TDRD3: variants seen among roughly 807,000 people sequenced by gnomAD.
TDRD3 encodes tudor domain-containing protein 3.
In TDRD3, 45 loss-of-function variants were observed where a neutral mutation model predicts 86.7. The ratio of observed to expected loss-of-function variants is 0.52; its 90% CI spans 0.41 to 0.67. The LOEUF (loss-of-function observed/expected upper bound fraction) is 0.67, where lower values mean the gene tolerates loss of function less well. TDRD3 is among the 30% of genes least tolerant of loss of function. The pLI is 0.00. For synonymous variants in TDRD3, 298 were observed against 301.7 expected (o/e 0.99, Z 0.13); for missense variants, 814 against 889.0 (o/e 0.92, Z 1.07).
intron 8 of TDRD3, among the ~76,000 whole-genome samples, chr13:60,508,128 C>T (rs951736042): frequency 8.5e-5 from 13 of 152,214 alleles, no homozygotes; most frequent in South Asian, 2.1e-4. Context: ...AGGATACAAA[C>T]GAATGGAAAA....
intron 10 of TDRD3, among the ~76,000 whole-genome samples, chr13:60,524,041 C>A (rs756532876): frequency 2.6e-5 from 4 of 151,382 alleles, no homozygotes; most frequent in Non-Finnish European, 5.9e-5. Context: ...AGAAAAATAT[C>A]TTAGTATATT....
Position 60,505,581 on chromosome 13 carries a change from T to C in TDRD3, c.859-4182T>C, listed in dbSNP as rs530562326. On this transcript the variant is annotated intron_variant, in intron 8 of 13. Transcript: ENST00000377881. ...GCAGCGGATCTCTCAGCACAGTGCTTCTTAACTAAAGGAGCATGTTCTAAC... is the reference window on the plus strand; with the variant it reads ...GCAGCGGATCTCTCAGCACAGTGCTCCTTAACTAAAGGAGCATGTTCTAAC... Among the ~76,000 whole-genome samples, 7 of 152,306 alleles carry C rather than the reference T, an allele frequency of 4.6e-5. No individual in the cohort carries two copies. The South Asian group carries it at 1.2e-3, about 27-fold the overall frequency.
At chr13:60,417,351 A>AT (rs113668776) in intron 1 of TDRD3, among the ~76,000 whole-genome samples, 11,379 of 122,938 alleles carry the variant, frequency 0.093, 740 homozygotes, top group East Asian at 0.22. Context: ...AACTAATTTC[A>AT]TTTTTTTTTT....
chr13:60,397,286 A>AG lies in TDRD3; in HGVS notation c.-79_-78insG, dbSNP rs1953942459. The AG allele has an allele frequency of 1.7e-6, 1 of 591,720 alleles. No homozygotes were observed. Among genetic ancestry groups the AG allele is most frequent in the South Asian group, 3.1e-5 (1 of 31,892 alleles). 36.7% of individuals were successfully genotyped at this position (591,720 alleles called of 1,614,324 possible). On this transcript the variant is annotated 5_prime_UTR_variant, in exon 1 of 14. An upstream open reading frame in the 5' UTR gains an earlier in-frame stop. Transcript: ENST00000377881. ...TCTTTTCTTTTCTTTTTTTTTTTTT[A>AG]AGGGGGGGGGTCTCAAGTAGGAGGC...
At chr13:60,521,107 G>A (rs960688568) in intron 10 of TDRD3, among the ~76,000 whole-genome samples, 1 of 152,170 alleles carries the variant, frequency 6.6e-6, no homozygotes. Flanking sequence ...TACTTTTTGT[G>A]TGTTGTGCAA....
intron 12 of TDRD3, among the ~76,000 whole-genome samples, chr13:60,538,841 T>G (rs1957751758): frequency 6.6e-6 from 1 of 152,152 alleles, no homozygotes; most frequent in Admixed American, 6.5e-5. Flanking sequence ...TGAATTGCTC[T>G]CCTAAACCTG....
intron 10 of TDRD3, among the ~76,000 whole-genome samples, chr13:60,511,064 TA>T (rs1957048889): frequency 6.6e-6 from 1 of 152,100 alleles, no homozygotes; most frequent in Admixed American, 6.6e-5. Context: ...TATAATCTTA[TA>T]TAACTTATTT....
In TDRD3 at chr13:60,399,485, T is replaced by G. The variant is rs186403310; in HGVS notation, c.41+2080T>G. On this transcript the variant is annotated intron_variant, in intron 1 of 13. Coordinates refer to ENST00000377881, the MANE Select transcript of TDRD3 (RefSeq NM_001146070.2). ...GTCTCGAACAGACTAGGCATGAGGA[T>G]CTCCTAGGCTTTCAGGTGGCTTCTA... Among the ~76,000 whole-genome samples, 10 of 152,282 alleles carry G rather than the reference T, an allele frequency of 6.6e-5. No individual in the cohort carries two copies. The East Asian group carries it at 1.9e-3, about 29-fold the overall frequency.
At chr13:60,446,525 C>T (rs1955403500) in intron 3 of TDRD3, among the ~76,000 whole-genome samples, 1 of 152,036 alleles carries the variant, frequency 6.6e-6, no homozygotes, top group Non-Finnish European at 1.5e-5. Context: ...CTGTGCCTGG[C>T]CTTCTCACAG....
chr13:60,570,610 TCAAA>T lies in TDRD3; in HGVS notation c.*9+2965_*9+2968del, dbSNP rs543112428. 4.5e-4 allele frequency among the ~76,000 whole-genome samples: 68 copies of T among 152,352 alleles called. No individual in the cohort carries two copies. The East Asian group carries it at 0.011, about 24-fold the overall frequency. On this transcript the variant is annotated intron_variant, in intron 13 of 13. Coordinates refer to ENST00000377881, the MANE Select transcript of TDRD3 (RefSeq NM_001146070.2). Reference sequence around the variant, plus strand: ...GGTATTTTATTTCTTTTTAATTGCTTCAAACAAAGTTTTAAATTGTGGCCAAAGA... The same window carrying T: ...GGTATTTTATTTCTTTTTAATTGCTTCAAAGTTTTAAATTGTGGCCAAAGA...
chr13:60,495,028 A>G (rs929268398), intron 8 of TDRD3, among the ~76,000 whole-genome samples: 1 of 152,200 alleles, frequency 6.6e-6, no homozygotes, highest in Non-Finnish European at 1.5e-5. Context: ...AGTGGAGTCA[A>G]ACATATTTCT....
intron 5 of TDRD3, among the ~76,000 whole-genome samples, 175 bp from the exon 6 acceptor site, chr13:60,483,600 A>G (rs1956363209): frequency 6.6e-6 from 1 of 152,130 alleles, no homozygotes; most frequent in Non-Finnish European, 1.5e-5. Flanking sequence ...TTGCCTAATT[A>G]TTGAAGTTAA....
At chr13:60,523,546 GT>G (rs1957336746) in intron 10 of TDRD3, among the ~76,000 whole-genome samples, 1 of 136,622 alleles carries the variant, frequency 7.3e-6, no homozygotes, top group African/African-American at 2.7e-5. Context: ...TGTTTTCACA[GT>G]TTTGTCTATT....
intron 1 of TDRD3, among the ~76,000 whole-genome samples, chr13:60,402,536 A>G (rs558413823): frequency 1.3e-5 from 2 of 152,316 alleles, no homozygotes; most frequent in East Asian, 3.9e-4. Context: ...ATCTAGAATT[A>G]TGATATACCT....
chr13:60,444,324 A>G lies in TDRD3; in HGVS notation c.127-359A>G, dbSNP rs548731625. Reference sequence around the variant, plus strand: ...TTCAGTTTTAAAAAACATACTATGTATATGTATTCAAAAGCTGTCATTTGA... The same window carrying G: ...TTCAGTTTTAAAAAACATACTATGTGTATGTATTCAAAAGCTGTCATTTGA... On this transcript the variant is annotated intron_variant, in intron 2 of 13. Coordinates refer to ENST00000377881, the MANE Select transcript of TDRD3 (RefSeq NM_001146070.2). Among the ~76,000 whole-genome samples the G allele has an allele frequency of 3.0e-4, 44 of 148,636 alleles. No homozygotes were observed. In the East Asian group the frequency reaches 6.5e-3, roughly 22 times the overall value.
Position 60,528,699 on chromosome 13 carries a change from A to C in TDRD3, c.1474A>C (p.Ser492Arg), listed in dbSNP as rs1957508313. 2.5e-6 allele frequency: 4 copies of C among 1,612,516 alleles called. No homozygotes were observed. In the African/African-American group the frequency reaches 5.3e-5, roughly 22 times the overall value. The change falls in exon 11 of 14, where the codon AGT (serine) becomes CGT (arginine). Residue 492 changes from serine to arginine, a missense_variant. Coordinates refer to ENST00000377881, the MANE Select transcript of TDRD3 (RefSeq NM_001146070.2). ...TTCATATCCTTTAGGTTCTCAGCAT[A>C]GTGATGGTGCTTTTAAAAAAAGAGA... Reference protein sequence around the residue: ...DTSYPLGSQHSDGAFKKRDNS... With the variant: ...DTSYPLGSQHRDGAFKKRDNS...
At chr13:60,559,301 A>C (rs911242126) in intron 12 of TDRD3, among the ~76,000 whole-genome samples, 35 of 152,276 alleles carry the variant, frequency 2.3e-4, no homozygotes, top group African/African-American at 8.2e-4. Context: ...CCAGACTCAG[A>C]TCTGACTTAA....
At chr13:60,403,341 A>G (rs542442049) in intron 1 of TDRD3, among the ~76,000 whole-genome samples, 1 of 152,298 alleles carries the variant, frequency 6.6e-6, no homozygotes, top group Non-Finnish European at 1.5e-5. Context: ...GACTATATCA[A>G]CTTTTTTGGC....
chr13:60,397,445 G>A, intron 1 of TDRD3, 40 bp downstream of exon 1: 1 of 1,472,554 alleles, frequency 6.8e-7, no homozygotes, highest in Non-Finnish European at 9.0e-7. Flanking sequence ...CCGCGGGTGC[G>A]GGCCGGGGCC....
Sources: gnomAD v4.1 joint callset for allele counts (sites outside exome capture counted in the v4.1 genomes callset) on GRCh38, gnomAD v4.1.1 for gene constraint, MANE v1.5 for transcripts, NCBI Gene and HGNC (gene_info 2026-07-23, HGNC 2026-07-21) for gene names.